The following IQCH variants were observed in gnomAD, a reference collection of about 807,000 sequenced individuals.
The protein encoded by IQCH is IQ domain-containing protein H.
Under a neutral mutation model 117.0 loss-of-function variants are expected in IQCH, and 98 were observed. The ratio of observed to expected loss-of-function variants is 0.84; its 90% CI spans 0.71 to 0.99. The LOEUF (loss-of-function observed/expected upper bound fraction) is 0.99, where lower values mean the gene tolerates loss of function less well. Among genes scored for constraint, IQCH ranks in the 50% least tolerant of loss-of-function variants. The pLI is 0.00. For missense variants in IQCH, 1,102 were observed against 1,243.8 expected, an observed-to-expected ratio of 0.89 and a Z score of 1.72; for synonymous variants, 412 against 448.2, an observed-to-expected ratio of 0.92 and a Z score of 1.02.
Position 67,401,233 on chromosome 15 carries a change from G to A in IQCH, c.2097+928G>A, listed in dbSNP as rs1292184153. On this transcript the variant is annotated intron_variant, in intron 14 of 20. Coordinates refer to ENST00000335894, the MANE Select transcript of IQCH (RefSeq NM_001031715.3). The surrounding 1 kb of genome is among the most constrained non-coding windows in gnomAD (Gnocchi z 4.7). ...ATGCACATTTGTGAAGGGATGAATC[G>A]TACAACCTTTTAGTCCCTTCCAAAT... 2.6e-5 allele frequency among the ~76,000 whole-genome samples: 4 copies of A among 152,106 alleles called. No homozygotes were observed. Among genetic ancestry groups the A allele is most frequent in the South Asian group, 2.1e-4 (1 of 4,818 alleles).
chr15:67,331,102 A>G (rs1374100549), intron 4 of IQCH, among the ~76,000 whole-genome samples: 1 of 152,210 alleles, frequency 6.6e-6, no homozygotes, highest in African/African-American at 2.4e-5. Context: ...GCACAAGAGA[A>G]AAAGAAATGA....
intron 5 of IQCH, among the ~76,000 whole-genome samples, chr15:67,339,238 G>T (rs1969035466): frequency 6.6e-6 from 1 of 152,058 alleles, no homozygotes. Flanking sequence ...ATAAAACATG[G>T]TGTTTTATTA....
intron 1 of IQCH, among the ~76,000 whole-genome samples, chr15:67,258,784 G>A (rs917806075): frequency 6.6e-6 from 1 of 152,094 alleles, no homozygotes; most frequent in African/African-American, 2.4e-5. Flanking sequence ...GGAAAACAAG[G>A]TGTTTGATGA....
intron 1 of IQCH, among the ~76,000 whole-genome samples, chr15:67,259,846 A>C (rs1965386368): frequency 6.6e-6 from 1 of 152,244 alleles, no homozygotes; most frequent in African/African-American, 2.4e-5. Context: ...CTTTATCTTT[A>C]GTGCTTACAA....
In IQCH at chr15:67,465,481, C is replaced by G. The variant is rs1357984435; in HGVS notation, c.2676+184C>G. ...TGTTGGTCAGAGGAAAGGGAGAAGCCATTCCCGAATGAACCTGCCATCTGT... is the reference window on the plus strand; with the variant it reads ...TGTTGGTCAGAGGAAAGGGAGAAGCGATTCCCGAATGAACCTGCCATCTGT... On this transcript the variant is annotated intron_variant, in intron 17 of 20. Transcript: ENST00000335894. The surrounding 1 kb of genome is among the most constrained non-coding windows in gnomAD (Gnocchi z 5.9). Among the ~76,000 whole-genome samples the G allele has an allele frequency of 6.6e-6, 1 of 152,056 alleles. No individual in the cohort carries two copies. Among genetic ancestry groups the G allele is most frequent in the African/African-American group, 2.4e-5 (1 of 41,384 alleles).
rs773987328 is a variant in IQCH, at chr15:67,385,048, T to C, written c.1456+29T>C. On this transcript the variant is annotated intron_variant, in intron 11 of 20. Transcript: ENST00000335894. The surrounding 1 kb of genome is among the most constrained non-coding windows in gnomAD (Gnocchi z 4.6). ...CAGTAAATAGTTTTACACAAATGACTCTTTGGAATGTTTATCAGTGGATGT... is the reference window on the plus strand; with the variant it reads ...CAGTAAATAGTTTTACACAAATGACCCTTTGGAATGTTTATCAGTGGATGT... The C allele has an allele frequency of 7.4e-7, 1 of 1,355,444 alleles. No homozygotes were observed. Among genetic ancestry groups the C allele is most frequent in the Non-Finnish European group, 1.1e-6 (1 of 946,964 alleles). The allele number at this position is 1,355,444 out of a possible 1,614,324, so 84.0% of individuals were successfully genotyped here.
rs992272004 is a variant in IQCH, at chr15:67,467,833, C to A, written c.2676+2536C>A. On this transcript the variant is annotated intron_variant, in intron 17 of 20. Transcript: ENST00000335894. This position sits in a 1 kb window ranked among gnomAD's most constrained non-coding sequence, Gnocchi z 5.7. ...TGAAACCACAATGATAATGAGAGCG[C>A]ATTCAAAACTAATGCCTATAAAATG... is the stretch of plus-strand genomic sequence containing the variant. Among the ~76,000 whole-genome samples, 1 of 152,182 alleles carries A rather than the reference C, an allele frequency of 6.6e-6. No individual in the cohort carries two copies. Among genetic ancestry groups the A allele is most frequent in the Admixed American group, 6.5e-5 (1 of 15,280 alleles).
At position 67,385,947 on chromosome 15, in the gene IQCH, C is replaced by G. The variant is rs1177974634; in HGVS notation, c.1456+928C>G. Among the ~76,000 whole-genome samples the G allele has an allele frequency of 2.6e-5, 4 of 152,114 alleles. No homozygotes were observed. The highest frequency in any genetic ancestry group is 9.7e-5 in the African/African-American group (4 of 41,434). The stretch of plus-strand genomic sequence containing the variant: ...TGCTTTACATGATTCATATATATTT[C>G]AGCATCATTATTATTTTATAAATGC... On this transcript the variant is annotated intron_variant, in intron 11 of 20. Coordinates refer to ENST00000335894, the MANE Select transcript of IQCH (RefSeq NM_001031715.3). The surrounding 1 kb of genome is among the most constrained non-coding windows in gnomAD (Gnocchi z 4.6).
chr15:67,333,721 T>C (rs1421109832), intron 4 of IQCH, among the ~76,000 whole-genome samples: 1 of 152,214 alleles, frequency 6.6e-6, no homozygotes, highest in African/African-American at 2.4e-5. Flanking sequence ...GGGAATATGA[T>C]TGCTGTTTTC....
At position 67,454,325 on chromosome 15, in the gene IQCH, G is replaced by A. The variant is rs1004736639; in HGVS notation, c.2506-10802G>A. Among the ~76,000 whole-genome samples, 4 of 152,206 alleles carry A rather than the reference G, an allele frequency of 2.6e-5. No individual in the cohort carries two copies. Among genetic ancestry groups the A allele is most frequent in the East Asian group, 1.9e-4 (1 of 5,204 alleles). On this transcript the variant is annotated intron_variant, in intron 16 of 20. Transcript: ENST00000335894. This position sits in a 1 kb window ranked among gnomAD's most constrained non-coding sequence, Gnocchi z 5.2. ...ATCACCCGTCTTCTGCGTCGCTCAC[G>A]CTGGGAGCTGTAGACCGGAGCTGTT...
rs182638566 is a variant in IQCH at position 67,353,182 on chromosome 15, T to C, written c.638-4163T>C. On this transcript the variant is annotated intron_variant, in intron 6 of 20. Coordinates refer to ENST00000335894, the MANE Select transcript of IQCH (RefSeq NM_001031715.3). ...TAAAGAAAAAAGAAAACAAGAACAA[T>C]TGATAATAAGTGACGTAAGCCTAAT... Among the ~76,000 whole-genome samples, 97 of 149,040 alleles carry C rather than the reference T, an allele frequency of 6.5e-4. 1 individual carries two copies. The highest frequency in any genetic ancestry group is 4.4e-3 in the Admixed American group (66 of 15,008).
At chr15:67,319,861 G>T (rs1316115723) in intron 4 of IQCH, among the ~76,000 whole-genome samples, 1 of 152,174 alleles carries the variant, frequency 6.6e-6, no homozygotes, top group Non-Finnish European at 1.5e-5. Context: ...TGTGAAAAAG[G>T]ATAAACTCTT....
At chr15:67,328,423 A>C (rs1354442472) in intron 4 of IQCH, among the ~76,000 whole-genome samples, 1 of 152,178 alleles carries the variant, frequency 6.6e-6, no homozygotes, top group African/African-American at 2.4e-5. Context: ...TGAATTGCAT[A>C]ATGCCTTCAG....
intron 20 of IQCH, among the ~76,000 whole-genome samples, chr15:67,499,204 G>A (rs1189251303): frequency 6.7e-6 from 1 of 149,618 alleles, no homozygotes. Flanking sequence ...GAGGCTGAGT[G>A]GGGAGAATTG....
intron 1 of IQCH, among the ~76,000 whole-genome samples, chr15:67,256,879 GTATAGTATAAA>G (rs1206993465): frequency 6.6e-6 from 1 of 152,166 alleles, no homozygotes; most frequent in Non-Finnish European, 1.5e-5. Context: ...ACTGATTCCT[GTATAGTATAAA>G]ATTCTATTCT....
intron 17 of IQCH, among the ~76,000 whole-genome samples, chr15:67,470,168 TTTTG>T (rs959553981): frequency 1.3e-5 from 2 of 152,126 alleles, no homozygotes; most frequent in South Asian, 2.1e-4. Context: ...CTTAGGGTTT[TTTTG>T]TTTGTTTGTT....
Position 67,407,556 on chromosome 15 carries a change from C to A in IQCH, c.2097+7251C>A, listed in dbSNP as rs1185175703. ...AAGCCAGGGTACCCCTTCTGAGGAC[C>A]TATAATAATCAGCTACCCAAGCTGT... On this transcript the variant is annotated intron_variant, in intron 14 of 20. Coordinates refer to ENST00000335894, the MANE Select transcript of IQCH (RefSeq NM_001031715.3). This position sits in a 1 kb window ranked among gnomAD's most constrained non-coding sequence, Gnocchi z 5.3. The A allele has an allele frequency of 1.3e-5, 2 of 152,118 alleles. No individual in the cohort carries two copies. The highest frequency in any genetic ancestry group is 4.8e-5 in the African/African-American group (2 of 41,420). The allele number at this position is 152,118 out of a possible 1,614,324, so 9.4% of individuals were successfully genotyped here.
chr15:67,340,621 CTCAA>C (rs1969127792), intron 5 of IQCH, among the ~76,000 whole-genome samples: 1 of 152,056 alleles, frequency 6.6e-6, no homozygotes, highest in Admixed American at 6.6e-5. Context: ...AAAGTAGAGA[CTCAA>C]TCAGAGTTTC....
intron 3 of IQCH, among the ~76,000 whole-genome samples, chr15:67,270,466 A>G (rs966812157): frequency 6.6e-6 from 1 of 152,218 alleles, no homozygotes; most frequent in Non-Finnish European, 1.5e-5. Context: ...ACCAAGTCCC[A>G]TGTTGAAAGT....
Sources: gnomAD v4.1 joint callset for allele counts (sites outside exome capture counted in the v4.1 genomes callset) on GRCh38, gnomAD v4.1.1 for gene constraint, Gnocchi (gnomAD v3.1) non-coding constraint, MANE v1.5 for transcripts, NCBI Gene and HGNC (gene_info 2026-07-23, HGNC 2026-07-21) for gene names.